STIM1: variants seen among roughly 807,000 people sequenced by gnomAD.
STIM1 encodes the protein stromal interaction molecule 1.
STIM1 carries 25 observed loss-of-function variants against 74.7 expected under a neutral mutation model. The ratio of observed to expected loss-of-function variants is 0.33; its 90% CI spans 0.24 to 0.47. The LOEUF is 0.47. STIM1 is among the 20% of genes least tolerant of loss of function. STIM1 has a pLI of 1.00. For missense variants in STIM1, 728 were observed against 920.8 expected (o/e 0.79, Z 2.71); for synonymous variants, 328 against 348.8 (o/e 0.94, Z 0.66).
At position 3,856,334 on chromosome 11, in the gene STIM1, A is replaced by G. The variant is rs1395814191; in HGVS notation, c.64A>G (p.Ser22Gly). The G allele has an allele frequency of 5.6e-6, 9 of 1,614,086 alleles. No homozygotes were observed. In the African/African-American group the frequency reaches 1.2e-4, roughly 22 times the overall value. Residue 22 changes from serine to glycine, a missense_variant, in exon 1 of 13, where the codon AGC becomes GGC. Transcript: ENST00000526596. The stretch of plus-strand genomic sequence containing the variant: ...GGGACTCCTCCTGCACCAGGGCCAG[A>G]GCCTCAGCCATAGTCACAGTGAGAA... The part of the protein sequence containing the change: ...LWGLLLHQGQ[S>G]LSHSHSEKAT...
chr11:4,076,906 G>A (rs938589197), intron 7 of STIM1, among the ~76,000 whole-genome samples: 1 of 151,622 alleles, frequency 6.6e-6, no homozygotes, highest in East Asian at 1.9e-4. Context: ...CTGTGTGGGT[G>A]TAGTCCTTTG....
chr11:4,082,922 C>T lies in STIM1; in HGVS notation c.1178C>T (p.Thr393Ile). ...IKKKRNTLFG[T>I]FHVAHSSSLD... ...AAGAAGAGAAACACACTCTTTGGCA[C>T]CTTCCACGTGGCCCACAGCTCTTCC... The change falls in exon 9 of 13, where the codon ACC (threonine) becomes ATC (isoleucine). Residue 393 changes from threonine to isoleucine, a missense_variant. By Grantham distance (89) the Thr-to-Ile change is moderately conservative. Coordinates refer to ENST00000526596, the MANE Select transcript of STIM1 (RefSeq NM_001382567.1). The T allele has an allele frequency of 1.9e-6, 3 of 1,614,160 alleles. No individual in the cohort carries two copies. The highest frequency in any genetic ancestry group is 2.5e-6 in the Non-Finnish European group (3 of 1,180,030).
Position 4,091,526 on chromosome 11 carries a change from C to T in STIM1, c.1879C>T (p.Leu627=), listed in dbSNP as rs1487138224. ...CCATGGGCTGGACAAGGCCCACAGC[C>T]TGATGGAGCTGAGCCCCTCAGCCCC... ...LNHGLDKAHS[L]MELSPSAPPG... is the part of the protein sequence containing the mutation. Residue 627 remains leucine, a synonymous_variant, in exon 13 of 13, where the codon CTG becomes TTG. Transcript: ENST00000526596. The T allele has an allele frequency of 6.2e-7, 1 of 1,614,104 alleles. No homozygotes were observed. The highest frequency in any genetic ancestry group is 8.5e-7 in the Non-Finnish European group (1 of 1,180,050).
At chr11:4,022,769 A>G (rs1455009931) in intron 2 of STIM1, among the ~76,000 whole-genome samples, 1 of 152,192 alleles carries the variant, frequency 6.6e-6, no homozygotes, top group Non-Finnish European at 1.5e-5. Context: ...ATCTCTACAT[A>G]GACTTTCCAC....
chr11:3,989,830 C>G (rs938569697), intron 2 of STIM1, among the ~76,000 whole-genome samples: 7 of 152,190 alleles, frequency 4.6e-5, no homozygotes, highest in Non-Finnish European at 7.3e-5. Flanking sequence ...TACTGTCTGA[C>G]TCTTTACAGA....
intron 3 of STIM1, among the ~76,000 whole-genome samples, chr11:4,045,585 G>A (rs911851794): frequency 6.6e-6 from 1 of 151,572 alleles, no homozygotes; most frequent in Non-Finnish European, 1.5e-5. Flanking sequence ...GAGTAGCTAG[G>A]ACTATAGGCA....
intron 12 of STIM1, among the ~76,000 whole-genome samples, chr11:4,087,290 A>C (rs747883): frequency 0.44 from 66,558 of 151,966 alleles, 16,888 homozygotes; most frequent in Non-Finnish European, 0.57. Flanking sequence ...GAGATACATA[A>C]ATAATTATGG....
chr11:3,910,944 C>G (rs1009570938), intron 1 of STIM1, among the ~76,000 whole-genome samples: 39 of 152,132 alleles, frequency 2.6e-4, no homozygotes, highest in Admixed American at 7.2e-4. Context: ...TGAGATCGCA[C>G]CACCGCACTC....
chr11:3,868,702 A>G (rs1052026125), intron 1 of STIM1, among the ~76,000 whole-genome samples: 21 of 152,240 alleles, frequency 1.4e-4, no homozygotes, highest in Non-Finnish European at 2.2e-4. Context: ...CTGAGTAGGT[A>G]GTACCTAGCT....
intron 2 of STIM1, among the ~76,000 whole-genome samples, chr11:4,000,163 GACAA>G (rs1180469166): frequency 2.7e-5 from 4 of 150,288 alleles, no homozygotes; most frequent in Non-Finnish European, 5.9e-5. Flanking sequence ...GCAGGGCACA[GACAA>G]ACAAAAAGAC....
chr11:3,916,921 C>A (rs913333724), intron 1 of STIM1, among the ~76,000 whole-genome samples: 2 of 152,184 alleles, frequency 1.3e-5, no homozygotes, highest in Non-Finnish European at 2.9e-5. Flanking sequence ...ATCCCAATAG[C>A]TATGGAAAGG....
In STIM1 at chr11:3,970,383, A is replaced by G. The variant is rs116525168; in HGVS notation, c.270+2701A>G. Reference sequence around the variant, plus strand: ...CTACCTTCCTGAGAGAGAAAGTACCAAAATGTGTGTGCCTAAGTCACTTCA... The same window carrying G: ...CTACCTTCCTGAGAGAGAAAGTACCGAAATGTGTGTGCCTAAGTCACTTCA... On this transcript the variant is annotated intron_variant, in intron 2 of 12. Transcript: ENST00000526596. Among the ~76,000 whole-genome samples, 1,449 of 152,254 alleles carry G rather than the reference A, an allele frequency of 9.5e-3. 13 individuals are homozygous for G. Among genetic ancestry groups the G allele is most frequent in the African/African-American group, 0.032 (1,333 of 41,542 alleles).
intron 1 of STIM1, among the ~76,000 whole-genome samples, chr11:3,954,400 C>T (rs969402469): frequency 6.6e-6 from 1 of 152,184 alleles, no homozygotes; most frequent in Non-Finnish European, 1.5e-5. Flanking sequence ...GTCCTAGGGA[C>T]TAAGCTAGGT....
chr11:3,930,813 G>A (rs1481990470), intron 1 of STIM1, among the ~76,000 whole-genome samples: 2 of 152,186 alleles, frequency 1.3e-5, no homozygotes, highest in Non-Finnish European at 2.9e-5. Flanking sequence ...AAAAGTAACT[G>A]TGGCTACCTT....
At chr11:4,089,862 A>AG (rs35375434) in intron 12 of STIM1, among the ~76,000 whole-genome samples, 5 of 152,074 alleles carry the variant, frequency 3.3e-5, no homozygotes. Context: ...CATTTCCCTT[A>AG]GGTCTCTCCT....
intron 2 of STIM1, among the ~76,000 whole-genome samples, chr11:3,990,225 A>G (rs1205073533): frequency 6.6e-6 from 1 of 152,238 alleles, no homozygotes; most frequent in Non-Finnish European, 1.5e-5. Context: ...CTGCCTGTAC[A>G]TGTTCATGTA....
intron 1 of STIM1, among the ~76,000 whole-genome samples, chr11:3,881,853 A>G (rs1054859671): frequency 6.7e-6 from 1 of 150,114 alleles, no homozygotes; most frequent in Non-Finnish European, 1.5e-5. Context: ...TTGTATTTTT[A>G]CTAGAGACGG....
intron 2 of STIM1, among the ~76,000 whole-genome samples, chr11:4,013,810 T>C (rs2093866975): frequency 6.8e-6 from 1 of 146,694 alleles, no homozygotes; most frequent in African/African-American, 2.5e-5. Flanking sequence ...TTTCACGCCA[T>C]TCTCCTGCCT....
intron 2 of STIM1, among the ~76,000 whole-genome samples, chr11:3,988,918 T>C (rs554087410): frequency 5.5e-4 from 84 of 152,310 alleles, no homozygotes; most frequent in African/African-American, 2.0e-3. Flanking sequence ...AAACCTCCCA[T>C]AATTCAATAA....
Sources: gnomAD v4.1 joint callset for allele counts (sites outside exome capture counted in the v4.1 genomes callset) on GRCh38, gnomAD v4.1.1 for gene constraint, MANE v1.5 for transcripts, NCBI Gene and HGNC (gene_info 2026-07-23, HGNC 2026-07-21) for gene names.